The following ATRNL1 variants were observed in gnomAD, a reference collection of about 807,000 sequenced individuals.
ATRNL1 encodes the protein attractin like 1.
ATRNL1 carries 95 observed loss-of-function variants against 182.7 expected under a neutral mutation model. The ratio of observed to expected loss-of-function variants is 0.52; its 90% CI spans 0.44 to 0.62. The LOEUF (loss-of-function observed/expected upper bound fraction) is 0.62. Among genes scored for constraint, ATRNL1 ranks in the 20% least tolerant of loss-of-function variants. ATRNL1 has a pLI of 0.00. For synonymous variants in ATRNL1, 576 were observed against 568.3 expected (o/e 1.01, Z -0.19); for missense variants, 1,471 against 1,679.5 (o/e 0.88, Z 2.17).
chr10:115,859,316 T>C (rs1351353908), intron 28 of ATRNL1, among the ~76,000 whole-genome samples: 1 of 152,042 alleles, frequency 6.6e-6, no homozygotes, highest in Non-Finnish European at 1.5e-5. Context: ...TGTCTGGATC[T>C]CTCAAGCAGG....
At chr10:115,936,191 C>T (rs989166740) in intron 28 of ATRNL1, among the ~76,000 whole-genome samples, 3 of 152,196 alleles carry the variant, frequency 2.0e-5, no homozygotes, top group African/African-American at 7.2e-5. Context: ...TCAAGCTTCT[C>T]ACTTGATGTT....
rs189513357 is a variant in ATRNL1 at position 115,909,156 on chromosome 10, C to T, written c.4019-35502C>T. The stretch of plus-strand genomic sequence containing the variant: ...CTTGTTTTCTCTCTCCCCCTAGGCG[C>T]AATCCCCCTCCCCTTCCTCTTCATG... On this transcript the variant is annotated intron_variant, in intron 28 of 28. Coordinates refer to ENST00000355044, the MANE Select transcript of ATRNL1 (RefSeq NM_207303.4). Among the ~76,000 whole-genome samples, 10 of 152,022 alleles carry T rather than the reference C, an allele frequency of 6.6e-5. No individual in the cohort carries two copies. The South Asian group carries it at 1.5e-3, about 22-fold the overall frequency.
chr10:115,172,952 G>A (rs1312830306), intron 8 of ATRNL1, among the ~76,000 whole-genome samples: 1 of 151,082 alleles, frequency 6.6e-6, no homozygotes, highest in Admixed American at 6.6e-5. Flanking sequence ...GCTTGGTCTC[G>A]CTCCCAGCTC....
intron 9 of ATRNL1, among the ~76,000 whole-genome samples, chr10:115,236,095 C>A (rs1417390005): frequency 6.6e-6 from 1 of 152,096 alleles, no homozygotes; most frequent in East Asian, 1.9e-4. Flanking sequence ...TGTCTGTATT[C>A]TTTAGATATG....
At chr10:115,884,343 T>G (rs1951894874) in intron 28 of ATRNL1, among the ~76,000 whole-genome samples, 1 of 152,180 alleles carries the variant, frequency 6.6e-6, no homozygotes, top group African/African-American at 2.4e-5. Flanking sequence ...ATGCAGAATG[T>G]TTAAGCCATA....
At position 115,519,195 on chromosome 10, in the gene ATRNL1, G is replaced by A. The variant is rs541129394; in HGVS notation, c.3655-68G>A. 94 of 1,282,198 alleles carry A rather than the reference G, an allele frequency of 7.3e-5. No individual in the cohort carries two copies. The East Asian group carries it at 1.5e-3, about 20-fold the overall frequency. 79.4% of individuals were successfully genotyped at this position (1,282,198 alleles called of 1,614,324 possible). A position where few individuals can be genotyped will look rare whatever the true frequency, so the allele number is the denominator to read the frequency against. ...ATTTAGAAAAACTGTATTTACAAAT[G>A]TCATGAAATATCACCACAGGTTTTA... On this transcript the variant is annotated intron_variant, in intron 24 of 28. Transcript: ENST00000355044.
At chr10:115,853,719 C>T (rs1016528580) in intron 28 of ATRNL1, among the ~76,000 whole-genome samples, 4 of 152,136 alleles carry the variant, frequency 2.6e-5, no homozygotes, top group East Asian at 1.9e-4. Flanking sequence ...TACCCTTTAA[C>T]CTCAAATACA....
At chr10:115,871,076 C>A (rs536656714) in intron 28 of ATRNL1, among the ~76,000 whole-genome samples, 31 of 152,082 alleles carry the variant, frequency 2.0e-4, no homozygotes, top group African/African-American at 7.0e-4. Context: ...TGCTTTTTTT[C>A]AACTAGGATC....
chr10:115,128,795 C>T (rs1223203968), intron 4 of ATRNL1, among the ~76,000 whole-genome samples: 1 of 148,838 alleles, frequency 6.7e-6, no homozygotes. Context: ...CCACTGCATT[C>T]CAGCCTGGGC....
chr10:115,801,532 G>T (rs2134236046), intron 27 of ATRNL1, among the ~76,000 whole-genome samples: 1 of 152,240 alleles, frequency 6.6e-6, no homozygotes, highest in South Asian at 2.1e-4. Flanking sequence ...TGCAGATTAT[G>T]TGGTTAACCA....
At chr10:115,523,365 A>C (rs182491426) in intron 25 of ATRNL1, among the ~76,000 whole-genome samples, 2 of 152,278 alleles carry the variant, frequency 1.3e-5, no homozygotes, top group Admixed American at 6.5e-5. Context: ...TGTCTTTACT[A>C]ATAGTACCTG....
chr10:115,841,412 TTTAG>T (rs1316832167), intron 27 of ATRNL1, among the ~76,000 whole-genome samples: 55 of 152,228 alleles, frequency 3.6e-4, no homozygotes, highest in African/African-American at 1.3e-3. Flanking sequence ...CATGTGTGTG[TTTAG>T]TTAGAAACTT....
At chr10:115,831,686 A>G (rs1950563944) in intron 27 of ATRNL1, among the ~76,000 whole-genome samples, 1 of 151,850 alleles carries the variant, frequency 6.6e-6, no homozygotes, top group African/African-American at 2.4e-5. Flanking sequence ...AACTCTCAGA[A>G]CCTTAGTTTT....
chr10:115,787,885 T>C (rs1277628713), intron 27 of ATRNL1, among the ~76,000 whole-genome samples: 3 of 152,120 alleles, frequency 2.0e-5, no homozygotes, highest in Non-Finnish European at 4.4e-5. Flanking sequence ...TAGGGGAAGA[T>C]TTGAAAACAG....
intron 27 of ATRNL1, among the ~76,000 whole-genome samples, chr10:115,795,010 C>A (rs1448645737): frequency 1.3e-5 from 2 of 152,030 alleles, no homozygotes; most frequent in Non-Finnish European, 2.9e-5. Context: ...TTTGAAAAGT[C>A]TCTATATTCT....
chr10:115,334,416 A>G lies in ATRNL1; in HGVS notation c.3172A>G (p.Thr1058Ala). The G allele has an allele frequency of 6.5e-7, 1 of 1,540,524 alleles. No homozygotes were observed. Among genetic ancestry groups the G allele is most frequent in the Non-Finnish European group, 8.8e-7 (1 of 1,137,022 alleles). ...AGATCCAACCAATGGTGGACAGTGC[A>G]CAGGTAAGTTTCTTTTAAGCAAATT... ...YGDPTNGGQC[T>A]ACTCSGHANI... Residue 1058 changes from threonine (T) to alanine (A), a missense_variant, in exon 19 of 29, where the codon ACA (threonine) becomes GCA (alanine). Coordinates refer to ENST00000355044, the MANE Select transcript of ATRNL1 (RefSeq NM_207303.4).
At chr10:115,462,467 C>G (rs1372783159) in intron 22 of ATRNL1, among the ~76,000 whole-genome samples, 2 of 151,914 alleles carry the variant, frequency 1.3e-5, no homozygotes, top group African/African-American at 4.8e-5. Context: ...CAAAAATTAG[C>G]TAGGCATGAT....
intron 8 of ATRNL1, among the ~76,000 whole-genome samples, chr10:115,203,573 C>T (rs1848677389): frequency 6.8e-6 from 1 of 146,912 alleles, no homozygotes; most frequent in South Asian, 2.2e-4. Context: ...CTAGATTGGG[C>T]CACCTTTTTT....
rs373766095 is a variant in ATRNL1 at position 115,288,634 on chromosome 10, G to T, written c.2415+2237G>T. On this transcript the variant is annotated intron_variant, in intron 15 of 28. Coordinates refer to ENST00000355044, the MANE Select transcript of ATRNL1 (RefSeq NM_207303.4). ...TATCCTGGGCTCAAGCAATTCTTCC[G>T]CCTCAGCCTCCCGAGTAGCTGGGAT... Among the ~76,000 whole-genome samples, 20 of 151,562 alleles carry T rather than the reference G, an allele frequency of 1.3e-4. 1 individual carries two copies. The highest frequency in any genetic ancestry group is 7.8e-4 in the East Asian group (4 of 5,136).
Sources: allele counts gnomAD v4.1 joint callset (sites outside exome capture counted in the v4.1 genomes callset), GRCh38; gene constraint gnomAD v4.1.1; transcripts MANE v1.5; gene names NCBI Gene and HGNC (gene_info 2026-07-23, HGNC 2026-07-21).